BTAF1: variants seen among roughly 807,000 people sequenced by gnomAD.
BTAF1 encodes the protein B-TFIID TATA-box binding protein associated factor 1.
A neutral mutation model predicts 227.1 loss-of-function variants in BTAF1; 38 were observed. The observed-to-expected ratio is 0.17, with a 90% CI of 0.13 to 0.22. The LOEUF is 0.22. Among genes scored for constraint, BTAF1 ranks in the 10% least tolerant of loss-of-function variants. BTAF1 has a pLI of 1.00. For missense variants in BTAF1, 1,598 were observed against 2,204.0 expected, an observed-to-expected ratio of 0.73 and a Z score of 5.51; for synonymous variants, 742 against 751.9, an observed-to-expected ratio of 0.99 and a Z score of 0.21.
chr10:92,015,095 T>G (rs1589975876), intron 32 of BTAF1, among the ~76,000 whole-genome samples: 1 of 152,356 alleles, frequency 6.6e-6, no homozygotes, highest in East Asian at 1.9e-4. Flanking sequence ...CTCATTCCCT[T>G]TGAAGTATTA....
chr10:91,948,907 A>T (rs575246401), intron 4 of BTAF1, among the ~76,000 whole-genome samples: 40 of 152,148 alleles, frequency 2.6e-4, no homozygotes, highest in African/African-American at 8.4e-4. Context: ...CACTGTACCC[A>T]GTCTGGTTCT....
At chr10:91,976,901 G>T (rs1409046552) in intron 14 of BTAF1, among the ~76,000 whole-genome samples, 1 of 152,152 alleles carries the variant, frequency 6.6e-6, no homozygotes, top group Non-Finnish European at 1.5e-5. Context: ...AATTAAACAA[G>T]AATAACTTAA....
chr10:91,999,781 C>T (rs540973360), intron 25 of BTAF1, among the ~76,000 whole-genome samples: 1 of 152,318 alleles, frequency 6.6e-6, no homozygotes, highest in Non-Finnish European at 1.5e-5. Context: ...TACTGTTATA[C>T]TGCAAGAAGA....
intron 25 of BTAF1, among the ~76,000 whole-genome samples, chr10:92,002,919 G>T (rs1409869755): frequency 3.3e-5 from 5 of 152,078 alleles, no homozygotes; most frequent in African/African-American, 1.2e-4. Context: ...CAGCACTTTG[G>T]GAGGCCGAGG....
intron 14 of BTAF1, among the ~76,000 whole-genome samples, chr10:91,967,875 T>C (rs961276519): frequency 2.0e-5 from 3 of 152,218 alleles, no homozygotes; most frequent in Admixed American, 6.5e-5. Context: ...TTTGTATATA[T>C]GGACTTTATT....
rs759723087 is a variant in BTAF1 at position 91,951,482 on chromosome 10, AATT to A, written c.481_483del (p.Ile161del). 6.2e-7 allele frequency: 1 copy of A among 1,613,436 alleles called. No homozygotes were observed. The highest frequency in any genetic ancestry group is 1.1e-5 in the South Asian group (1 of 90,906). On this transcript the variant is annotated inframe_deletion, in exon 5 of 38. Transcript: ENST00000265990. Reference sequence around the variant, plus strand: ...AACTTGGCCTTAATATGGGAGAAGCAATTGGAATGAGTACTGAAGAACTTTTCA... The same window carrying A: ...AACTTGGCCTTAATATGGGAGAAGCAGGAATGAGTACTGAAGAACTTTTCA...
chr10:92,024,745 T>A lies in BTAF1; in HGVS notation c.4864-11T>A. On this transcript the variant is annotated splice_polypyrimidine_tract_variant and intron_variant, in intron 34 of 37. Coordinates refer to ENST00000265990, the MANE Select transcript of BTAF1 (RefSeq NM_003972.3). ...AACGCTTATGTAGTTTTTTTTTTTTTTCTTCCTAAGTTGCTGTTGGACTGC... is the reference window on the plus strand; with the variant it reads ...AACGCTTATGTAGTTTTTTTTTTTTATCTTCCTAAGTTGCTGTTGGACTGC... The A allele has an allele frequency of 6.3e-7, 1 of 1,579,192 alleles. No individual in the cohort carries two copies.
chr10:91,942,506 A>G lies in BTAF1; in HGVS notation c.338A>G (p.Gln113Arg). 1 of 1,614,186 alleles carries G rather than the reference A, an allele frequency of 6.2e-7. No individual in the cohort carries two copies. Among genetic ancestry groups the G allele is most frequent in the Non-Finnish European group, 8.5e-7 (1 of 1,180,014 alleles). Residue 113 changes from glutamine (Q) to arginine (R), a missense_variant, in exon 4 of 38, where the codon CAA becomes CGA. Transcript: ENST00000265990. ...AGATTTGATATATGTAGATTGTTAC[A>G]ACATGGTGCATCACTCCTGGGATCT... is the stretch of plus-strand genomic sequence containing the variant. ...FDRFDICRLL[Q>R]HGASLLGSAG... is the part of the protein sequence containing the mutation.
chr10:91,978,878 A>G (rs552762846), intron 14 of BTAF1, among the ~76,000 whole-genome samples: 5 of 114,262 alleles, frequency 4.4e-5, no homozygotes, highest in East Asian at 5.5e-4. Context: ...CAGGTTTGCT[A>G]TGTAGGTAAA....
At chr10:91,971,546 C>G (rs1355450050) in intron 14 of BTAF1, among the ~76,000 whole-genome samples, 1 of 150,632 alleles carries the variant, frequency 6.6e-6, no homozygotes, top group Non-Finnish European at 1.5e-5. Flanking sequence ...GATCTTGGCT[C>G]CCTGCAACCG....
chr10:92,027,663 C>T (rs1851605165), intron 37 of BTAF1, among the ~76,000 whole-genome samples: 1 of 152,112 alleles, frequency 6.6e-6, no homozygotes, highest in South Asian at 2.1e-4. Context: ...ACCTATTTTA[C>T]TACATGGTTG....
At chr10:92,014,632 T>G (rs1439636596) in intron 32 of BTAF1, among the ~76,000 whole-genome samples, 2 of 152,260 alleles carry the variant, frequency 1.3e-5, no homozygotes, top group African/African-American at 4.8e-5. Flanking sequence ...CTTCTGAATG[T>G]TGTCATGCTG....
At position 92,021,352 on chromosome 10, in the gene BTAF1, A is replaced by G. The variant is rs188265822; in HGVS notation, c.4863+2417A>G. Reference sequence around the variant, plus strand: ...TATTTTGACTATGTGAGACTTAGCAAATATTTTATATGAGGCAAAGTTGAG... The same window carrying G: ...TATTTTGACTATGTGAGACTTAGCAGATATTTTATATGAGGCAAAGTTGAG... On this transcript the variant is annotated intron_variant, in intron 34 of 37. Transcript: ENST00000265990. 1.3e-3 allele frequency among the ~76,000 whole-genome samples: 194 copies of G among 152,294 alleles called. 1 individual carries two copies. The highest frequency in any genetic ancestry group is 4.5e-3 in the African/African-American group (187 of 41,560).
chr10:91,936,909 C>A (rs1175234995), intron 2 of BTAF1, among the ~76,000 whole-genome samples: 3 of 152,160 alleles, frequency 2.0e-5, no homozygotes, highest in Admixed American at 6.6e-5. Context: ...TGGCTACCAT[C>A]AAATCATTCC....
intron 26 of BTAF1, among the ~76,000 whole-genome samples, 160 bp from the exon 27 acceptor site, chr10:92,008,669 G>A (rs148572499): frequency 6.6e-6 from 1 of 152,056 alleles, no homozygotes; most frequent in African/African-American, 2.4e-5. Flanking sequence ...TTGTAAAATC[G>A]ATTTAGTAAA....
chr10:91,946,690 G>A (rs1180245905), intron 4 of BTAF1, among the ~76,000 whole-genome samples: 1 of 152,084 alleles, frequency 6.6e-6, no homozygotes, highest in Non-Finnish European at 1.5e-5. Context: ...TTGACCATTT[G>A]TATACCTTCC....
chr10:91,999,519 TTAG>T (rs1849361108), intron 25 of BTAF1, among the ~76,000 whole-genome samples: 1 of 152,126 alleles, frequency 6.6e-6, no homozygotes, highest in Admixed American at 6.5e-5. Context: ...CTCAGCCTCC[TTAG>T]TAGCTGGGAT....
chr10:91,965,105 C>T (rs1268457348), intron 13 of BTAF1, among the ~76,000 whole-genome samples: 2 of 151,880 alleles, frequency 1.3e-5, no homozygotes, highest in East Asian at 3.9e-4. Flanking sequence ...GTTGGATAGC[C>T]TATAAGTAGG....
rs528001734 is a variant in BTAF1, at chr10:91,982,004, A to T, written c.1906-79A>T. 51 of 1,472,492 alleles carry T rather than the reference A, an allele frequency of 3.5e-5. 1 individual carries two copies. The highest frequency in any genetic ancestry group is 3.3e-4 in the African/African-American group (23 of 69,976). 91.2% of individuals were successfully genotyped at this position (1,472,492 alleles called of 1,614,324 possible). ...AACTGTATTTTACTGGGATTATTTT[A>T]AAAATATCATATTTTTGTTGTTGCC... On this transcript the variant is annotated intron_variant, in intron 16 of 37. Coordinates refer to ENST00000265990, the MANE Select transcript of BTAF1 (RefSeq NM_003972.3).
Sources: gnomAD v4.1 joint callset for allele counts (sites outside exome capture counted in the v4.1 genomes callset) on GRCh38, gnomAD v4.1.1 for gene constraint, MANE v1.5 for transcripts, NCBI Gene and HGNC (gene_info 2026-07-23, HGNC 2026-07-21) for gene names.